The following THSD7B variants were observed in gnomAD, a reference collection of about 807,000 sequenced individuals.
THSD7B encodes the protein thrombospondin type-1 domain-containing protein 7B.
Under a neutral mutation model 213.6 loss-of-function variants are expected in THSD7B, and 138 were observed. The observed-to-expected ratio is 0.65, with a 90% CI of 0.56 to 0.74. THSD7B has a LOEUF of 0.74. THSD7B is among the 30% of genes least tolerant of loss of function. THSD7B has a pLI of 0.00. For missense variants in THSD7B, 1,931 were observed against 1,991.5 expected, an observed-to-expected ratio of 0.97 and a Z score of 0.58; for synonymous variants, 742 against 687.0, an observed-to-expected ratio of 1.08 and a Z score of -1.25.
In THSD7B at chr2:137,572,311, T is replaced by C. The variant is rs1049925660; in HGVS notation, c.3273-95T>C. 2.8e-6 allele frequency: 4 copies of C among 1,416,682 alleles called. No individual in the cohort carries two copies. The Middle Eastern group carries it at 5.6e-4, about 197-fold the overall frequency. The allele number at this position is 1,416,682 out of a possible 1,614,324, so 87.8% of individuals were successfully genotyped here. On this transcript the variant is annotated intron_variant, in intron 16 of 27. Transcript: ENST00000409968. ...TTCTGTGCTGGTCTTATGTTATATT[T>C]AACTATCGTCAGTTACTATGATACA...
intron 3 of THSD7B, among the ~76,000 whole-genome samples, chr2:137,070,960 CGTT>C (rs1465032986): frequency 6.6e-6 from 1 of 152,074 alleles, no homozygotes; most frequent in Non-Finnish European, 1.5e-5. Context: ...TCCAATCTGT[CGTT>C]GTTGGACATT....
chr2:137,111,092 A>G (rs1377084429), intron 4 of THSD7B, among the ~76,000 whole-genome samples: 1 of 152,228 alleles, frequency 6.6e-6, no homozygotes, highest in Non-Finnish European at 1.5e-5. Context: ...GTGAGACATG[A>G]CTATCTCCTG....
At chr2:136,795,361 G>A (rs1330831272) in intron 1 of THSD7B, among the ~76,000 whole-genome samples, 7 of 151,864 alleles carry the variant, frequency 4.6e-5, no homozygotes, top group African/African-American at 1.5e-4. Flanking sequence ...ACCTGATGCT[G>A]ACTCTCTTGC....
intron 12 of THSD7B, among the ~76,000 whole-genome samples, chr2:137,360,534 C>T (rs1199240120): frequency 6.6e-6 from 1 of 152,152 alleles, no homozygotes; most frequent in Non-Finnish European, 1.5e-5. Flanking sequence ...TTCCAAAGGG[C>T]TTAGCAAACA....
intron 12 of THSD7B, among the ~76,000 whole-genome samples, chr2:137,398,878 T>C (rs1392071692): frequency 6.6e-6 from 1 of 152,198 alleles, no homozygotes; most frequent in Non-Finnish European, 1.5e-5. Context: ...GCACCGTTTT[T>C]TAAGCCTGTC....
intron 1 of THSD7B, among the ~76,000 whole-genome samples, chr2:136,834,240 G>GT (rs1328451872): frequency 1.3e-5 from 2 of 152,338 alleles, no homozygotes; most frequent in East Asian, 3.9e-4. Context: ...TGGTGGTGAA[G>GT]TGTTTTAAAT....
At chr2:136,926,016 T>C (rs1411821457) in intron 2 of THSD7B, among the ~76,000 whole-genome samples, 1 of 152,148 alleles carries the variant, frequency 6.6e-6, no homozygotes, top group African/African-American at 2.4e-5. Context: ...TATTGAAAGT[T>C]TCTTCCAATT....
In THSD7B at chr2:136,847,889, G is replaced by A. The variant is rs76443011; in HGVS notation, c.-35-34255G>A. The stretch of plus-strand genomic sequence containing the variant: ...ACAGGGTGTGGAATTCTAAAACCAT[G>A]CAGCCCAGCTTAGCCTTATTCCTCC... On this transcript the variant is annotated intron_variant, in intron 1 of 27. Transcript: ENST00000409968. Among the ~76,000 whole-genome samples the A allele has an allele frequency of 4.8e-3, 737 of 152,232 alleles. 14 individuals are homozygous for A. In the South Asian group the frequency reaches 0.07, roughly 14 times the overall value.
At chr2:137,532,850 G>C (rs886987413) in intron 15 of THSD7B, among the ~76,000 whole-genome samples, 12 of 151,302 alleles carry the variant, frequency 7.9e-5, no homozygotes, top group Admixed American at 4.6e-4. Context: ...CAGTTATTAG[G>C]ATAAGTATAT....
intron 5 of THSD7B, among the ~76,000 whole-genome samples, chr2:137,157,837 T>C (rs10190090): frequency 0.74 from 111,941 of 152,148 alleles, 41,424 homozygotes; most frequent in Middle Eastern, 0.76. Flanking sequence ...ATAACTAGTG[T>C]CTGGCATGCA....
intron 14 of THSD7B, among the ~76,000 whole-genome samples, chr2:137,449,586 G>A (rs1687607095): frequency 1.3e-5 from 2 of 152,310 alleles, no homozygotes; most frequent in South Asian, 4.1e-4. Flanking sequence ...TTATCCCCAT[G>A]CACCTGTGGG....
At chr2:137,304,585 CACTTG>C (rs1343103304) in intron 12 of THSD7B, among the ~76,000 whole-genome samples, 3 of 152,074 alleles carry the variant, frequency 2.0e-5, no homozygotes. Flanking sequence ...TTACAAATTA[CACTTG>C]ACTTCATATT....
intron 2 of THSD7B, among the ~76,000 whole-genome samples, chr2:136,995,233 G>A (rs966419610): frequency 6.6e-6 from 1 of 152,172 alleles, no homozygotes; most frequent in African/African-American, 2.4e-5. Flanking sequence ...GATGTATGCA[G>A]TGGATGTTAA....
At chr2:137,507,183 A>T (rs1679855665) in intron 15 of THSD7B, among the ~76,000 whole-genome samples, 1 of 152,164 alleles carries the variant, frequency 6.6e-6, no homozygotes, top group Admixed American at 6.5e-5. Flanking sequence ...AATGGGAGAG[A>T]AATTACAAAT....
At chr2:137,325,701 T>C (rs1435171757) in intron 12 of THSD7B, among the ~76,000 whole-genome samples, 1 of 152,208 alleles carries the variant, frequency 6.6e-6, no homozygotes, top group Non-Finnish European at 1.5e-5. Context: ...GTTTATTATA[T>C]TTGAAGAATG....
chr2:137,301,084 CA>C (rs1359819794), intron 12 of THSD7B, among the ~76,000 whole-genome samples: 2 of 152,080 alleles, frequency 1.3e-5, no homozygotes, highest in African/African-American at 4.8e-5. Context: ...ATCCATAAAG[CA>C]ATATAAAAAC....
At position 136,961,044 on chromosome 2, in the gene THSD7B, G is replaced by A. The variant is rs1389358997; in HGVS notation, c.139+78727G>A. Reference sequence around the variant, plus strand: ...ATGGAGCTTGCAGTGAGCCAAGACCGCGCCACTGCACTCCAGCCTGGGTGA... The same window carrying A: ...ATGGAGCTTGCAGTGAGCCAAGACCACGCCACTGCACTCCAGCCTGGGTGA... On this transcript the variant is annotated intron_variant, in intron 2 of 27. Transcript: ENST00000409968. Among the ~76,000 whole-genome samples the A allele has an allele frequency of 8.4e-5, 10 of 118,412 alleles. 1 individual carries two copies. The highest frequency in any genetic ancestry group is 1.3e-4 in the Non-Finnish European group (8 of 61,448). 77.7% of individuals were successfully genotyped at this position (118,412 alleles called of 152,430 possible).
rs561536002 is a variant in THSD7B, at chr2:136,973,371, C to T, written c.140-83049C>T. On this transcript the variant is annotated intron_variant, in intron 2 of 27. Transcript: ENST00000409968. ...TAGTCTACTGGCTTGCACTTTTTAACGTGGAAAATTTTCTTTCACTTTTAT... is the reference window on the plus strand; with the variant it reads ...TAGTCTACTGGCTTGCACTTTTTAATGTGGAAAATTTTCTTTCACTTTTAT... Among the ~76,000 whole-genome samples, 4 of 152,196 alleles carry T rather than the reference C, an allele frequency of 2.6e-5. No homozygotes were observed. In the East Asian group the frequency reaches 5.8e-4, roughly 22 times the overall value.
chr2:137,576,197 T>C (rs1573719526), intron 17 of THSD7B, among the ~76,000 whole-genome samples: 1 of 152,258 alleles, frequency 6.6e-6, no homozygotes, highest in East Asian at 1.9e-4. Context: ...ATATCTCTCC[T>C]TGGAGTCTTG....
Sources: allele counts gnomAD v4.1 joint callset (sites outside exome capture counted in the v4.1 genomes callset), GRCh38; gene constraint gnomAD v4.1.1; transcripts MANE v1.5; gene names NCBI Gene and HGNC (gene_info 2026-07-23, HGNC 2026-07-21).